Variants in NDUFA10 observed in about 807,000 individuals in gnomAD.
The protein encoded by NDUFA10 is NADH:ubiquinone oxidoreductase subunit A10, also known as NADH dehydrogenase [ubiquinone] 1 alpha subcomplex subunit 10, mitochondrial.
NDUFA10 carries 40 observed loss-of-function variants against 47.8 expected under a neutral mutation model. The observed-to-expected ratio is 0.84, with a 90% CI of 0.65 to 1.09. The LOEUF (loss-of-function observed/expected upper bound fraction) is 1.09. NDUFA10 is among the 50% of genes least tolerant of loss of function. The pLI is 0.00. For missense variants in NDUFA10, 413 were observed against 451.1 expected, an observed-to-expected ratio of 0.92 and a Z score of 0.76; for synonymous variants, 183 against 172.2, an observed-to-expected ratio of 1.06 and a Z score of -0.49.
At chr2:239,967,591 C>A (rs1391598808) in intron 9 of NDUFA10, among the ~76,000 whole-genome samples, 1 of 152,174 alleles carries the variant, frequency 6.6e-6, no homozygotes, top group Admixed American at 6.5e-5. Context: ...TCACTTAGCC[C>A]ACAATTACTT....
downstream of NDUFA10, among the ~76,000 whole-genome samples, chr2:239,955,250 T>A (rs1363737169): frequency 6.6e-6 from 1 of 152,126 alleles, no homozygotes; most frequent in East Asian, 1.9e-4. Context: ...GGTCTGCTAT[T>A]CTCTCCACAA....
intron 9 of NDUFA10, among the ~76,000 whole-genome samples, chr2:239,965,456 C>T (rs1054546566): frequency 1.3e-5 from 2 of 152,188 alleles, no homozygotes; most frequent in Admixed American, 6.5e-5. Flanking sequence ...TGAGAAAACG[C>T]GCATGATAAC....
Position 239,928,184 on chromosome 2 carries a change from C to A in NDUFA10, c.295-32870G>T. Among the ~76,000 whole-genome samples the A allele has an allele frequency of 6.6e-6, 1 of 151,198 alleles. No homozygotes were observed. On this transcript the variant is annotated intron_variant, in intron 4 of 5. Coordinates refer to the NDUFA10 transcript ENST00000419408. The surrounding 1 kb of genome is among the most constrained non-coding windows in gnomAD (Gnocchi z 4.3). ...TTCCAGGACTTTAAAAAAAAAATAA[C>A]AAAAGAAGAAAACAAATGTAACAGA...
intron 1 of NDUFA10, among the ~76,000 whole-genome samples, chr2:240,024,885 G>A (rs1697790162): frequency 6.6e-6 from 1 of 152,228 alleles, no homozygotes; most frequent in Admixed American, 6.5e-5. Context: ...GCTCTTGACA[G>A]GGCTGCTACG....
chr2:240,024,034 T>C (rs1697752102), intron 1 of NDUFA10, among the ~76,000 whole-genome samples: 1 of 151,828 alleles, frequency 6.6e-6, no homozygotes. Context: ...TCACTTCTGG[T>C]GGGAGTCAAA....
intron 9 of NDUFA10, among the ~76,000 whole-genome samples, chr2:239,974,198 G>T (rs1695417546): frequency 6.6e-6 from 1 of 152,140 alleles, no homozygotes; most frequent in South Asian, 2.1e-4. Context: ...CAAAGTGCTG[G>T]GATTACAGGC....
intron 4 of NDUFA10, among the ~76,000 whole-genome samples, chr2:239,949,817 G>T (rs1158176295): frequency 6.6e-6 from 1 of 152,158 alleles, no homozygotes; most frequent in Non-Finnish European, 1.5e-5. Context: ...TCTTCCCTTG[G>T]ACTGGAACTT....
At position 240,021,406 on chromosome 2, in the gene NDUFA10, T is replaced by C. The variant is rs774915693; in HGVS notation, c.251A>G (p.Lys84Arg). The C allele has an allele frequency of 1.4e-5, 23 of 1,613,832 alleles. No homozygotes were observed. In the African/African-American group the frequency reaches 1.9e-4, roughly 13 times the overall value. ...ATGAATCCCCGCTTCAGGAAAGTGC[T>C]TGAAGCCTGAAAAGAGAAACAGTCG... The part of the protein sequence containing the change: ...AKEIAEKLGF[K>R]HFPEAGIHYP... Residue 84 changes from lysine (K) to arginine (R), a missense_variant, in exon 3 of 10, where the codon AAG becomes AGG. By Grantham distance (26) the Lys-to-Arg change is conservative (BLOSUM62 2). Coordinates refer to ENST00000252711, the MANE Select transcript of NDUFA10 (RefSeq NM_004544.4).
chr2:239,962,835 G>A (rs3892983), intron 9 of NDUFA10, among the ~76,000 whole-genome samples: 8 of 152,116 alleles, frequency 5.3e-5, no homozygotes, highest in Admixed American at 1.3e-4. Context: ...AGGCGGGTAG[G>A]GGGTGGGAGC....
intron 3 of NDUFA10, among the ~76,000 whole-genome samples, chr2:240,019,526 A>G (rs1410291078): frequency 1.0e-5 from 1 of 100,140 alleles, no homozygotes; most frequent in Non-Finnish European, 2.2e-5. Flanking sequence ...ATGCTTTAAA[A>G]AGAACGTGGA....
At chr2:239,904,993 AG>A (rs1319417897) in intron 4 of NDUFA10, among the ~76,000 whole-genome samples, 1 of 152,230 alleles carries the variant, frequency 6.6e-6, no homozygotes, top group African/African-American at 2.4e-5. Context: ...GTCATTGGGA[AG>A]CCCTAATCCA....
rs1008478529 is a variant in NDUFA10 at position 239,944,744 on chromosome 2, G to A, written c.294+45330C>T. 3.9e-5 allele frequency among the ~76,000 whole-genome samples: 6 copies of A among 152,144 alleles called. No homozygotes were observed. The East Asian group carries it at 1.2e-3, about 29-fold the overall frequency. The stretch of plus-strand genomic sequence containing the variant: ...CCTGGTGGTCCCAGGGCCTCTGCTC[G>A]CTCGTTAGCCAGGGTTTCCAGCTCA... On this transcript the variant is annotated intron_variant, in intron 4 of 5. Coordinates refer to the NDUFA10 transcript ENST00000419408.
intron 5 of NDUFA10, among the ~76,000 whole-genome samples, chr2:239,894,611 C>T (rs1693357760): frequency 6.6e-6 from 1 of 152,134 alleles, no homozygotes; most frequent in South Asian, 2.1e-4. Flanking sequence ...CTTGGCTCCT[C>T]TTGTTCTCTG....
intron 4 of NDUFA10, among the ~76,000 whole-genome samples, chr2:239,920,573 T>A (rs541594540): frequency 6.6e-6 from 1 of 152,086 alleles, no homozygotes; most frequent in Non-Finnish European, 1.5e-5. Context: ...TTAAATAGCA[T>A]CCCCACTTGC....
intron 4 of NDUFA10, among the ~76,000 whole-genome samples, chr2:239,923,464 C>T (rs1237779354): frequency 1.3e-5 from 2 of 151,840 alleles, no homozygotes; most frequent in East Asian, 3.9e-4. Flanking sequence ...AAATCAATAA[C>T]AAAAAGATAA....
intron 4 of NDUFA10, among the ~76,000 whole-genome samples, chr2:239,915,914 C>A (rs10933573): frequency 1.4e-5 from 2 of 146,932 alleles, no homozygotes; most frequent in Non-Finnish European, 3.0e-5. Context: ...CATACACACA[C>A]AGCACACACA....
At chr2:240,023,586 T>C (rs1574905099) in intron 1 of NDUFA10, among the ~76,000 whole-genome samples, 2 of 151,938 alleles carry the variant, frequency 1.3e-5, no homozygotes, top group South Asian at 2.1e-4. Context: ...AAAATGCAAA[T>C]AGAAACCCTT....
chr2:239,894,736 C>T (rs1168393395), intron 5 of NDUFA10, among the ~76,000 whole-genome samples: 1 of 152,128 alleles, frequency 6.6e-6, no homozygotes, highest in Non-Finnish European at 1.5e-5. Flanking sequence ...CCCTTTTCTC[C>T]CTCACCAACA....
intron 9 of NDUFA10, among the ~76,000 whole-genome samples, chr2:239,988,060 A>G (rs1696077083): frequency 6.6e-6 from 1 of 152,236 alleles, no homozygotes; most frequent in Admixed American, 6.5e-5. Flanking sequence ...CTATTTACAA[A>G]TATATCAGTA....
Sources: allele counts gnomAD v4.1 joint callset (sites outside exome capture counted in the v4.1 genomes callset), GRCh38; gene constraint gnomAD v4.1.1; non-coding constraint Gnocchi (gnomAD v3.1); transcripts MANE v1.5; gene names NCBI Gene and HGNC (gene_info 2026-07-23, HGNC 2026-07-21).